The following KCNT2 variants were observed in gnomAD, a reference collection of about 807,000 sequenced individuals.
The protein encoded by KCNT2 is potassium channel subfamily T member 2.
In KCNT2, 67 loss-of-function variants were observed where a neutral mutation model predicts 153.8. The observed-to-expected ratio is 0.44, with a 90% CI of 0.36 to 0.53. The LOEUF (loss-of-function observed/expected upper bound fraction) is 0.53. Ranked by LOEUF, KCNT2 falls within the 20% of genes least tolerant of loss-of-function variation. The pLI is 0.00. For synonymous variants in KCNT2, 500 were observed against 458.8 expected, an observed-to-expected ratio of 1.09 and a Z score of -1.15; for missense variants, 975 against 1,354.8, an observed-to-expected ratio of 0.72 and a Z score of 4.40.
At chr1:196,467,333 T>C (rs1417604443) in intron 7 of KCNT2, among the ~76,000 whole-genome samples, 1 of 152,130 alleles carries the variant, frequency 6.6e-6, no homozygotes. Context: ...AATATGGACA[T>C]TTTACAAGTT....
chr1:196,485,015 C>T (rs1679311926), intron 3 of KCNT2, among the ~76,000 whole-genome samples: 1 of 152,108 alleles, frequency 6.6e-6, no homozygotes, highest in Non-Finnish European at 1.5e-5. Context: ...TATTGCAGCA[C>T]TATTTAAAAT....
chr1:196,230,087 C>T (rs111439113), intron 27 of KCNT2, among the ~76,000 whole-genome samples: 1,676 of 152,110 alleles, frequency 0.011, 36 homozygotes, highest in African/African-American at 0.036. Flanking sequence ...ATTTGGAAGA[C>T]AGCCTTCTAT....
intron 21 of KCNT2, among the ~76,000 whole-genome samples, chr1:196,315,162 G>T (rs1662584460): frequency 6.6e-6 from 1 of 151,546 alleles, no homozygotes; most frequent in Non-Finnish European, 1.5e-5. Flanking sequence ...TCTGTAATTT[G>T]GTAGCTCACG....
At chr1:196,297,850 T>A (rs1660817593) in intron 22 of KCNT2, among the ~76,000 whole-genome samples, 1 of 152,266 alleles carries the variant, frequency 6.6e-6, no homozygotes, top group Non-Finnish European at 1.5e-5. Flanking sequence ...TTGTTTGTTT[T>A]CATATATCTG....
chr1:196,282,133 G>A, intron 24 of KCNT2, 140 bp downstream of exon 24: 1 of 472,726 alleles, frequency 2.1e-6, no homozygotes, highest in Non-Finnish European at 3.8e-6. Flanking sequence ...ATTTTTAAAG[G>A]AATTTTAAAA....
chr1:196,596,610 G>A (rs1664114072), intron 1 of KCNT2, among the ~76,000 whole-genome samples: 1 of 152,026 alleles, frequency 6.6e-6, no homozygotes, highest in Non-Finnish European at 1.5e-5. Flanking sequence ...CTCCATGATT[G>A]GTTAAATCCA....
At chr1:196,516,426 A>G (rs1682060027) in intron 1 of KCNT2, among the ~76,000 whole-genome samples, 1 of 151,730 alleles carries the variant, frequency 6.6e-6, no homozygotes, top group African/African-American at 2.4e-5. Context: ...GAATCTCTCC[A>G]TCAAGATCTA....
At chr1:196,381,300 T>C (rs543558328) in intron 13 of KCNT2, among the ~76,000 whole-genome samples, 2 of 152,216 alleles carry the variant, frequency 1.3e-5, no homozygotes, top group South Asian at 4.1e-4. Context: ...CATAAATACA[T>C]AGCAGTCTTA....
intron 14 of KCNT2, among the ~76,000 whole-genome samples, chr1:196,371,970 A>G (rs1290383667): frequency 6.6e-6 from 1 of 152,090 alleles, no homozygotes; most frequent in Non-Finnish European, 1.5e-5. Context: ...GATGAGTTCT[A>G]TGAATGTTCA....
At chr1:196,315,633 A>C (rs559224812) in intron 21 of KCNT2, among the ~76,000 whole-genome samples, 1 of 151,728 alleles carries the variant, frequency 6.6e-6, no homozygotes, top group South Asian at 2.1e-4. Flanking sequence ...GATTTTCAAG[A>C]ATTTGCTACT....
At chr1:196,331,094 T>A in intron 18 of KCNT2, 62 bp downstream of exon 18, 2 of 882,564 alleles carry the variant, frequency 2.3e-6, no homozygotes, top group South Asian at 2.7e-5. Flanking sequence ...TTACTTAAAT[T>A]ATGTAACTAT....
chr1:196,504,836 T>A (rs1417570159), intron 1 of KCNT2, among the ~76,000 whole-genome samples: 1 of 152,240 alleles, frequency 6.6e-6, no homozygotes, highest in Non-Finnish European at 1.5e-5. Flanking sequence ...TGATGGCCAG[T>A]GATGGTGAGC....
intron 1 of KCNT2, among the ~76,000 whole-genome samples, chr1:196,582,171 A>G (rs1662138631): frequency 1.3e-5 from 2 of 152,068 alleles, no homozygotes; most frequent in Non-Finnish European, 1.5e-5. Flanking sequence ...CAGCAAGCCT[A>G]ATGGCCAAGA....
intron 22 of KCNT2, among the ~76,000 whole-genome samples, chr1:196,291,321 GTTA>G (rs1660163065): frequency 6.6e-6 from 1 of 150,962 alleles, no homozygotes; most frequent in African/African-American, 2.4e-5. Context: ...CTGTCTTTTT[GTTA>G]TTAACTTTCC....
intron 25 of KCNT2, among the ~76,000 whole-genome samples, chr1:196,261,829 G>A (rs79398854): frequency 0.05 from 7,658 of 151,744 alleles, 288 homozygotes; most frequent in Non-Finnish European, 0.072. Context: ...TAATATAATC[G>A]TTAACTTGAA....
In KCNT2 at chr1:196,388,788, T is replaced by A. The variant is rs994365387; in HGVS notation, c.1294+9775A>T. Among the ~76,000 whole-genome samples, 3 of 151,826 alleles carry A rather than the reference T, an allele frequency of 2.0e-5. No individual in the cohort carries two copies. The South Asian group carries it at 6.2e-4, about 31-fold the overall frequency. ...TAGTTCTACTAGCTTTATTATAGATTCATTACCATTTTTAAAGAAATGTTC... is the reference window on the plus strand; with the variant it reads ...TAGTTCTACTAGCTTTATTATAGATACATTACCATTTTTAAAGAAATGTTC... On this transcript the variant is annotated intron_variant, in intron 13 of 27. Transcript: ENST00000294725.
chr1:196,250,628 A>C (rs1655879438), intron 26 of KCNT2, among the ~76,000 whole-genome samples: 1 of 152,154 alleles, frequency 6.6e-6, no homozygotes, highest in East Asian at 1.9e-4. Context: ...AAATGGGATC[A>C]CATCAAGTTA....
chr1:196,244,598 G>T (rs1379681726), intron 26 of KCNT2, among the ~76,000 whole-genome samples: 2 of 152,154 alleles, frequency 1.3e-5, no homozygotes, highest in Non-Finnish European at 2.9e-5. Flanking sequence ...GGTGGCCACA[G>T]GGAGAGATTT....
chr1:196,526,313 C>A (rs1227475707), intron 1 of KCNT2, among the ~76,000 whole-genome samples: 1 of 150,406 alleles, frequency 6.6e-6, no homozygotes, highest in Non-Finnish European at 1.5e-5. Flanking sequence ...ATATATAAAT[C>A]ATATAAAATA....
Sources: gnomAD v4.1 joint callset for allele counts (sites outside exome capture counted in the v4.1 genomes callset) on GRCh38, gnomAD v4.1.1 for gene constraint, MANE v1.5 for transcripts, NCBI Gene and HGNC (gene_info 2026-07-23, HGNC 2026-07-21) for gene names.